The following DIAPH2 variants were observed in gnomAD, a reference collection of about 807,000 sequenced individuals.
DIAPH2 encodes diaphanous related formin 2, also known as protein diaphanous homolog 2.
In DIAPH2, 35 loss-of-function variants were observed where a neutral mutation model predicts 92.7. The ratio of observed to expected loss-of-function variants is 0.38; its 90% confidence interval spans 0.29 to 0.50. The LOEUF (loss-of-function observed/expected upper bound fraction) is 0.50. Ranked by LOEUF, DIAPH2 falls within the 20% of genes least tolerant of loss-of-function variation. DIAPH2 has a pLI of 0.94. For missense variants in DIAPH2, 701 were observed against 819.5 expected (o/e 0.86, Z 1.77); for synonymous variants, 301 against 280.4 (o/e 1.07, Z -0.73).
intron 22 of DIAPH2, among the ~76,000 whole-genome samples, chrX:97,207,593 C>T (rs1403264709): frequency 1.8e-5 from 2 of 111,203 alleles, no homozygotes; most frequent in African/African-American, 3.3e-5. Context: ...GTGACACGCC[C>T]AAAGTTAGAA....
chrX:96,770,729 T>C (rs2099204835), intron 4 of DIAPH2, among the ~76,000 whole-genome samples: 1 of 112,051 alleles, frequency 8.9e-6, no homozygotes, highest in Non-Finnish European at 1.9e-5. Flanking sequence ...TAAACTAGCA[T>C]ATATAAAATA....
intron 23 of DIAPH2, among the ~76,000 whole-genome samples, chrX:97,292,148 C>T (rs1357201609): frequency 9.4e-6 from 1 of 106,436 alleles, no homozygotes; most frequent in Admixed American, 1.0e-4. Flanking sequence ...CCTGCCTCAG[C>T]CTCCTGAATA....
At chrX:96,948,743 G>A (rs2065754036) in intron 14 of DIAPH2, among the ~76,000 whole-genome samples, 192 bp from the exon 15 acceptor site, 1 of 110,197 alleles carries the variant, frequency 9.1e-6, no homozygotes, top group Non-Finnish European at 1.9e-5. Context: ...TGGGTAGGGG[G>A]CATATTTCTT....
At chrX:97,014,948 A>G (rs1214295080) in intron 17 of DIAPH2, among the ~76,000 whole-genome samples, 2 of 112,145 alleles carry the variant, frequency 1.8e-5, no homozygotes, top group Non-Finnish European at 3.8e-5. Context: ...GTATCAGTAT[A>G]TAGAGTTAAA....
At chrX:96,988,303 A>G (rs1477220729) in intron 17 of DIAPH2, among the ~76,000 whole-genome samples, 1 of 110,961 alleles carries the variant, frequency 9.0e-6, no homozygotes, top group African/African-American at 3.3e-5. Flanking sequence ...GAAAGTACTT[A>G]GGTGGGGGCT....
chrX:97,182,756 G>A (rs751988182), intron 22 of DIAPH2, among the ~76,000 whole-genome samples: 2 of 111,579 alleles, frequency 1.8e-5, no homozygotes, highest in Non-Finnish European at 3.8e-5. Context: ...TCAGAGAAAG[G>A]TTCCTGGCTT....
intron 1 of DIAPH2, among the ~76,000 whole-genome samples, chrX:96,696,893 G>A (rs755239111): frequency 2.5e-4 from 28 of 112,237 alleles, no homozygotes; most frequent in Middle Eastern, 9.3e-3. Context: ...AAGGACAAAA[G>A]ACAGTTTATT....
intron 26 of DIAPH2, among the ~76,000 whole-genome samples, chrX:97,435,300 C>T (rs1228203525): frequency 9.0e-6 from 1 of 111,316 alleles, no homozygotes; most frequent in Non-Finnish European, 1.9e-5. Flanking sequence ...AATGCCTCCT[C>T]GGTGCATTAT....
chrX:97,059,295 A>C (rs975818261), intron 17 of DIAPH2, among the ~76,000 whole-genome samples: 4 of 111,928 alleles, frequency 3.6e-5, no homozygotes, highest in African/African-American at 1.3e-4. Flanking sequence ...GCTACCTAGA[A>C]GTAACTATTT....
chrX:97,496,654 ATT>A (rs531696953), intron 26 of DIAPH2, among the ~76,000 whole-genome samples: 3 of 81,546 alleles, frequency 3.7e-5, no homozygotes, highest in Non-Finnish European at 4.6e-5. Flanking sequence ...CCTGAATTAG[ATT>A]TTTTTTTTTT....
chrX:96,857,300 T>C (rs2065046810), intron 4 of DIAPH2, among the ~76,000 whole-genome samples: 1 of 111,946 alleles, frequency 8.9e-6, no homozygotes, highest in Admixed American at 9.5e-5. Context: ...AAGTTTATTT[T>C]CACTTTTGAA....
At chrX:96,842,328 C>T (rs1287744480) in intron 4 of DIAPH2, among the ~76,000 whole-genome samples, 1 of 111,782 alleles carries the variant, frequency 8.9e-6, no homozygotes, top group African/African-American at 3.3e-5. Flanking sequence ...ATGTCTCTTG[C>T]TTGTTTGATA....
chrX:97,214,364 G>T (rs781586733), intron 22 of DIAPH2, among the ~76,000 whole-genome samples: 23 of 110,863 alleles, frequency 2.1e-4, no homozygotes, highest in Non-Finnish European at 4.2e-4. Flanking sequence ...ACCTACTCAG[G>T]AGGCTAAGGC....
At chrX:96,893,870 T>G (rs940711727) in intron 5 of DIAPH2, among the ~76,000 whole-genome samples, 1 of 111,651 alleles carries the variant, frequency 9.0e-6, no homozygotes, top group Non-Finnish European at 1.9e-5. Flanking sequence ...GATAACAGTA[T>G]TTGCTCTATG....
rs1443104274 is a variant in DIAPH2 at position 96,906,439 on chromosome X, C to T, written c.588-5889C>T. ...TGCATTTTGGACTAGAAGATTCAAACAACATTCAGATTTTTGGTTTTTAAC... is the reference window on the plus strand; with the variant it reads ...TGCATTTTGGACTAGAAGATTCAAATAACATTCAGATTTTTGGTTTTTAAC... On this transcript the variant is annotated intron_variant, in intron 5 of 26. Transcript: ENST00000324765. Among the ~76,000 whole-genome samples the T allele has an allele frequency of 2.7e-5, 3 of 112,354 alleles. No homozygotes were observed. The East Asian group carries it at 8.3e-4, about 31-fold the overall frequency.
intron 4 of DIAPH2, among the ~76,000 whole-genome samples, chrX:96,844,451 T>C (rs2064957711): frequency 8.9e-6 from 1 of 112,806 alleles, no homozygotes; most frequent in African/African-American, 3.2e-5. Context: ...TGTTATACCT[T>C]TAAAGTGAAA....
At chrX:97,515,074 C>G (rs1330342116) in intron 26 of DIAPH2, among the ~76,000 whole-genome samples, 2 of 111,843 alleles carry the variant, frequency 1.8e-5, no homozygotes, top group Non-Finnish European at 3.8e-5. Context: ...TTTACCTAAG[C>G]AAGCCTGGGC....
intron 17 of DIAPH2, among the ~76,000 whole-genome samples, chrX:97,067,760 A>G (rs937452979): frequency 2.1e-4 from 23 of 111,875 alleles, no homozygotes; most frequent in African/African-American, 7.5e-4. Context: ...TTTGGCATCA[A>G]TCCTTGTTGA....
At chrX:96,722,550 A>G (rs906766273) in intron 1 of DIAPH2, among the ~76,000 whole-genome samples, 1 of 111,377 alleles carries the variant, frequency 9.0e-6, no homozygotes, top group African/African-American at 3.3e-5. Context: ...TACATTTAAA[A>G]TAATTGGATA....
Sources: gnomAD v4.1 joint callset for allele counts (sites outside exome capture counted in the v4.1 genomes callset) on GRCh38, gnomAD v4.1.1 for gene constraint, MANE v1.5 for transcripts, NCBI Gene and HGNC (gene_info 2026-07-23, HGNC 2026-07-21) for gene names.